Variants in MIER1 observed in about 807,000 individuals in gnomAD.
The protein encoded by MIER1 is mesoderm induction early response protein 1.
MIER1 carries 40 observed loss-of-function variants against 75.7 expected under a neutral mutation model. The observed-to-expected ratio is 0.53, with a 90% CI of 0.41 to 0.69. The LOEUF is 0.69. MIER1 is among the 30% of genes least tolerant of loss of function. MIER1 has a pLI of 0.00. For synonymous variants in MIER1, 213 were observed against 223.4 expected, an observed-to-expected ratio of 0.95 and a Z score of 0.42; for missense variants, 574 against 680.2, an observed-to-expected ratio of 0.84 and a Z score of 1.74.
At chr1:66,970,277 A>G (rs1663334794) in intron 8 of MIER1, among the ~76,000 whole-genome samples, 1 of 152,216 alleles carries the variant, frequency 6.6e-6, no homozygotes, top group African/African-American at 2.4e-5. Context: ...ATCACAGAAA[A>G]CATAAAGTAA....
At chr1:66,929,171 A>G (rs1652508659) in intron 2 of MIER1, 1 of 619,980 alleles carries the variant, frequency 1.6e-6, no homozygotes, top group African/African-American at 1.8e-5. Context: ...AACTTTAAGA[A>G]AAATTGTATA....
intron 12 of MIER1, among the ~76,000 whole-genome samples, chr1:66,978,334 A>G (rs1300300456): frequency 1.3e-5 from 2 of 152,192 alleles, no homozygotes; most frequent in Non-Finnish European, 2.9e-5. Flanking sequence ...CAAATGCTCT[A>G]AAGCCCACAG....
At position 66,946,504 on chromosome 1, in the gene MIER1, A is replaced by G. The variant is rs975124327; in HGVS notation, c.339+209A>G. On this transcript the variant is annotated intron_variant, in intron 4 of 13. Transcript: ENST00000401041. ...TATTATGTGCAATAACAGAATTCAC[A>G]TAGTTACTTTGGTAAAACATAGACT... 4 of 1,261,752 alleles carry G rather than the reference A, an allele frequency of 3.2e-6. No individual in the cohort carries two copies. In the African/African-American group the frequency reaches 4.7e-5, roughly 15 times the overall value. The allele number at this position is 1,261,752 out of a possible 1,614,324, so 78.2% of individuals were successfully genotyped here. A position where few individuals can be genotyped will look rare whatever the true frequency, so the allele number is the denominator to read the frequency against.
intron 8 of MIER1, among the ~76,000 whole-genome samples, chr1:66,969,816 A>T (rs1663244186): frequency 6.6e-6 from 1 of 152,102 alleles, no homozygotes; most frequent in Non-Finnish European, 1.5e-5. Context: ...TAAACTTTTC[A>T]AGAGTCTTAT....
chr1:66,980,807 C>T (rs1358036021), intron 12 of MIER1, among the ~76,000 whole-genome samples: 1 of 151,738 alleles, frequency 6.6e-6, no homozygotes, highest in Non-Finnish European at 1.5e-5. Flanking sequence ...TATCTAGTAT[C>T]AGCAAACTTT....
intron 11 of MIER1, 129 bp downstream of exon 11, chr1:66,973,120 TAGTG>T: frequency 1.7e-6 from 1 of 589,220 alleles, no homozygotes. Flanking sequence ...TTTTGGTATT[TAGTG>T]AGTAATTATA....
intron 2 of MIER1, chr1:66,929,089 TAG>T (rs1652489609): frequency 1.5e-6 from 1 of 684,944 alleles, no homozygotes; most frequent in South Asian, 1.7e-5. Context: ...AAATGCTTGA[TAG>T]AGTCTAGAAT....
At chr1:66,945,267 G>GTGTATA (rs1244341605) in intron 3 of MIER1, among the ~76,000 whole-genome samples, 33 of 141,828 alleles carry the variant, frequency 2.3e-4, no homozygotes, top group Non-Finnish European at 4.3e-4. Flanking sequence ...TCTGGTGTGT[G>GTGTATA]TATATATATA....
Position 66,985,523 on chromosome 1 carries a change from C to A in MIER1, c.*623C>A. On this transcript the variant is annotated 3_prime_UTR_variant, in exon 14 of 14. Coordinates refer to ENST00000401041, the MANE Select transcript of MIER1 (RefSeq NM_001077700.3). ...GACATCAATGATGTCTTTCCATATTCTTATCTGGGCTTAAGAAATACATTC... is the reference window on the plus strand; with the variant it reads ...GACATCAATGATGTCTTTCCATATTATTATCTGGGCTTAAGAAATACATTC... 1 of 984,472 alleles carries A rather than the reference C, an allele frequency of 1.0e-6. No individual in the cohort carries two copies. 61.0% of individuals were successfully genotyped at this position (984,472 alleles called of 1,614,324 possible).
At chr1:66,966,505 T>A (rs557549493) in intron 8 of MIER1, among the ~76,000 whole-genome samples, 1 of 152,332 alleles carries the variant, frequency 6.6e-6, no homozygotes, top group South Asian at 2.1e-4. Flanking sequence ...TACGTGTGCA[T>A]GTGTCTTTAT....
intron 2 of MIER1, among the ~76,000 whole-genome samples, chr1:66,934,659 T>C (rs1654331218): frequency 6.6e-6 from 1 of 151,802 alleles, no homozygotes; most frequent in African/African-American, 2.4e-5. Flanking sequence ...TCCTGTCTTG[T>C]GCTGGGATTA....
At chr1:66,931,473 T>A (rs1653351713) in intron 2 of MIER1, among the ~76,000 whole-genome samples, 1 of 152,226 alleles carries the variant, frequency 6.6e-6, no homozygotes, top group African/African-American at 2.4e-5. Context: ...GGCATTTCTC[T>A]TGTTTGAATT....
rs76533391 is a variant in MIER1, at chr1:66,958,923, G to T, written c.574G>T (p.Val192Phe). 18 of 1,612,700 alleles carry T rather than the reference G, an allele frequency of 1.1e-5. 1 individual carries two copies. In the South Asian group the frequency reaches 1.5e-4, roughly 14 times the overall value. Residue 192 changes from valine (V) to phenylalanine (F), a missense_variant, in exon 6 of 14, where the codon GTT becomes TTT. Coordinates refer to ENST00000401041, the MANE Select transcript of MIER1 (RefSeq NM_001077700.3). ...TTCCAATGATGATCCATCACAATCTGTTGCTTCTCAAGATGCCCAGGAAAT... is the reference window on the plus strand; with the variant it reads ...TTCCAATGATGATCCATCACAATCTTTTGCTTCTCAAGATGCCCAGGAAAT... ...QSSNDDPSQS[V>F]ASQDAQEIIR...
intron 2 of MIER1, among the ~76,000 whole-genome samples, chr1:66,938,103 C>T (rs1655340518): frequency 6.6e-6 from 1 of 152,132 alleles, no homozygotes; most frequent in Non-Finnish European, 1.5e-5. Context: ...AGTCCTCAAG[C>T]GTTTGGTATC....
rs1309421533 is a variant in MIER1, at chr1:66,985,634, C to T, written c.*734C>T. 6 of 984,396 alleles carry T rather than the reference C, an allele frequency of 6.1e-6. No homozygotes were observed. Among genetic ancestry groups the T allele is most frequent in the Admixed American group, 6.2e-5 (1 of 16,218 alleles). 61.0% of individuals were successfully genotyped at this position (984,396 alleles called of 1,614,324 possible). ...GAGCTGTCCTTTCTTAATACAAAAG[C>T]GTGTATAATTTTCTTAACTTGTACA... On this transcript the variant is annotated 3_prime_UTR_variant, in exon 14 of 14. Coordinates refer to ENST00000401041, the MANE Select transcript of MIER1 (RefSeq NM_001077700.3).
chr1:66,963,626 T>G (rs562046017), intron 8 of MIER1, among the ~76,000 whole-genome samples: 1 of 152,316 alleles, frequency 6.6e-6, no homozygotes, highest in South Asian at 2.1e-4. Flanking sequence ...TGGAGTACTT[T>G]GGACCAGGTG....
At chr1:66,940,302 C>T (rs1475752086) in intron 3 of MIER1, 12 of 309,722 alleles carry the variant, frequency 3.9e-5, no homozygotes, top group Non-Finnish European at 4.4e-5. Flanking sequence ...GGTGAGTTGC[C>T]ATATGTATTT....
chr1:66,932,052 C>T (rs184944370), intron 2 of MIER1, among the ~76,000 whole-genome samples: 1 of 151,830 alleles, frequency 6.6e-6, no homozygotes, highest in African/African-American at 2.4e-5. Flanking sequence ...TTTAAAATTT[C>T]TGTGTTTTTA....
intron 8 of MIER1, among the ~76,000 whole-genome samples, chr1:66,965,217 A>C (rs1296152230): frequency 1.3e-5 from 2 of 152,100 alleles, no homozygotes; most frequent in African/African-American, 4.8e-5. Flanking sequence ...TTTTGTATTT[A>C]TTTTTGTAAT....
Sources: gnomAD v4.1 joint callset for allele counts (sites outside exome capture counted in the v4.1 genomes callset) on GRCh38, gnomAD v4.1.1 for gene constraint, MANE v1.5 for transcripts, NCBI Gene and HGNC (gene_info 2026-07-23, HGNC 2026-07-21) for gene names.